The following EML1 variants were observed in gnomAD, a reference collection of about 807,000 sequenced individuals.
The protein encoded by EML1 is EMAP like 1, also known as echinoderm microtubule-associated protein-like 1.
Under a neutral mutation model 110.4 loss-of-function variants are expected in EML1, and 27 were observed. The ratio of observed to expected loss-of-function variants is 0.24; its 90% confidence interval spans 0.18 to 0.34. The LOEUF is 0.34. EML1 is among the 10% of genes least tolerant of loss of function. The pLI is 1.00. For missense variants in EML1, 741 were observed against 1,030.9 expected, an observed-to-expected ratio of 0.72 and a Z score of 3.85; for synonymous variants, 344 against 385.8, an observed-to-expected ratio of 0.89 and a Z score of 1.27.
chr14:99,797,924 C>G (rs143939379), intron 1 of EML1, among the ~76,000 whole-genome samples: 1 of 152,300 alleles, frequency 6.6e-6, no homozygotes, highest in Admixed American at 6.5e-5. Context: ...CTCCTTCCCC[C>G]ACCCCTCCAG....
intron 1 of EML1, among the ~76,000 whole-genome samples, chr14:99,797,455 G>A (rs987642611): frequency 5.3e-5 from 8 of 152,110 alleles, no homozygotes; most frequent in Admixed American, 5.2e-4. Context: ...TTTCTCTTGG[G>A]CAGATATCTA....
At chr14:99,795,785 C>A (rs2057759510) in intron 1 of EML1, among the ~76,000 whole-genome samples, 2 of 152,278 alleles carry the variant, frequency 1.3e-5, no homozygotes, top group South Asian at 4.1e-4. Context: ...AATACATGAA[C>A]TCATACATTT....
rs146994265 is a variant in EML1, at chr14:99,865,657, A to G, written c.383+11A>G. 16 of 1,613,548 alleles carry G rather than the reference A, an allele frequency of 9.9e-6. No homozygotes were observed. The Admixed American group carries it at 1.7e-4, about 17-fold the overall frequency. Reference sequence around the variant, plus strand: ...GCCAGCAACCAAAAGGTGAGCCAGAAGCAGGGCCTTAAATGAACTCTCAAA... The same window carrying G: ...GCCAGCAACCAAAAGGTGAGCCAGAGGCAGGGCCTTAAATGAACTCTCAAA... On this transcript the variant is annotated intron_variant, in intron 3 of 21. Coordinates refer to ENST00000262233, the MANE Select transcript of EML1 (RefSeq NM_004434.3).
intron 13 of EML1, 146 bp from the exon 14 acceptor site, chr14:99,914,030 TACA>T: frequency 1.2e-4 from 115 of 971,938 alleles, no homozygotes; most frequent in Middle Eastern, 3.4e-4. Flanking sequence ...TATATGTATA[TACA>T]ACATATATAT....
upstream of EML1, among the ~76,000 whole-genome samples, chr14:99,790,643 A>G (rs2057654121): frequency 6.6e-6 from 1 of 152,200 alleles, no homozygotes; most frequent in Non-Finnish European, 1.5e-5. Context: ...GAGCATGAAC[A>G]CTGGAATAGA....
Position 99,903,784 on chromosome 14 carries a change from C to CTTT in EML1, c.1008+2745_1008+2746insTTT, listed in dbSNP as rs202121563. Among the ~76,000 whole-genome samples, 780 of 141,582 alleles carry CTTT rather than the reference C, an allele frequency of 5.5e-3. 55 individuals are homozygous for CTTT. The highest frequency in any genetic ancestry group is 6.9e-3 in the Non-Finnish European group (452 of 65,486). 92.9% of individuals were successfully genotyped at this position (141,582 alleles called of 152,430 possible). On this transcript the variant is annotated intron_variant, in intron 9 of 21. Transcript: ENST00000262233. ...ACAAAATCTCATAGATAAATCTATTCATTTTTTTTTTTTTTTTGAGACAGA... is the reference window on the plus strand; with the variant it reads ...ACAAAATCTCATAGATAAATCTATTCTTTATTTTTTTTTTTTTTTTGAGACAGA...
rs554540226 is a variant in EML1 at position 99,920,846 on chromosome 14, C to T, written c.1878C>T (p.Asn626=). The part of the protein sequence containing the change: ...KDLVTVHTDG[N]EQLSVMRYSP... The stretch of plus-strand genomic sequence containing the variant: ...TGGTCACCGTTCACACAGATGGAAA[C>T]GAACAGCTCTCTGTAATGCGATACT... The change falls in exon 17 of 22, where the codon AAC becomes AAT. Residue 626 remains asparagine, a synonymous_variant. Coordinates refer to ENST00000262233, the MANE Select transcript of EML1 (RefSeq NM_004434.3). 105 of 1,613,934 alleles carry T rather than the reference C, an allele frequency of 6.5e-5. No individual in the cohort carries two copies. Among genetic ancestry groups the T allele is most frequent in the South Asian group, 4.0e-4 (36 of 91,020 alleles).
At chr14:99,815,319 T>G (rs967343235) in intron 1 of EML1, among the ~76,000 whole-genome samples, 1 of 152,024 alleles carries the variant, frequency 6.6e-6, no homozygotes, top group South Asian at 2.1e-4. Context: ...TTTTTTGTAT[T>G]TTTAATAGAG....
At chr14:99,751,204 A>G (rs2057171033) in intron 1 of EML1, among the ~76,000 whole-genome samples, 1 of 151,954 alleles carries the variant, frequency 6.6e-6, no homozygotes. Flanking sequence ...CAGCAGATGG[A>G]CAAGCAGACG....
intron 16 of EML1, 88 bp downstream of exon 16, chr14:99,917,937 C>T: frequency 7.5e-7 from 1 of 1,335,994 alleles, no homozygotes; most frequent in Admixed American, 1.9e-5. Context: ...GGCCCCCGTT[C>T]AGCTCTTGGC....
chr14:99,899,665 C>A (rs1255436803), intron 8 of EML1, among the ~76,000 whole-genome samples: 1 of 151,828 alleles, frequency 6.6e-6, no homozygotes, highest in Non-Finnish European at 1.5e-5. Context: ...TAATGGAAAT[C>A]AGACCACTAT....
rs148911762 is a variant in EML1, at chr14:99,784,414, A to G, written c.-27+10401A>G. Among the ~76,000 whole-genome samples, 481 of 152,378 alleles carry G rather than the reference A, an allele frequency of 3.2e-3. 4 individuals carry two copies. The highest frequency in any genetic ancestry group is 0.011 in the African/African-American group (462 of 41,588). On this transcript the variant is annotated intron_variant, in intron 1 of 22. Coordinates refer to the EML1 transcript ENST00000327921. This position sits in a 1 kb window ranked among gnomAD's most constrained non-coding sequence, Gnocchi z 4.5. ...GGCCTGCAAGGACATTTTAAAAAGA[A>G]TTAGCCAAGCAAATATTGCTTTTAA... is the stretch of plus-strand genomic sequence containing the variant.
intron 4 of EML1, among the ~76,000 whole-genome samples, chr14:99,884,853 T>G (rs966952409): frequency 2.0e-5 from 3 of 151,748 alleles, no homozygotes; most frequent in African/African-American, 7.3e-5. Flanking sequence ...GAACTGGGGG[T>G]GGGGGCAGGG....
At chr14:99,916,847 G>A (rs969297701) in intron 15 of EML1, among the ~76,000 whole-genome samples, 17 of 152,174 alleles carry the variant, frequency 1.1e-4, no homozygotes, top group Non-Finnish European at 2.2e-4. Context: ...AAGTCCAGTC[G>A]TCTGTACCGC....
At chr14:99,793,875 T>C (rs370384065) in intron 1 of EML1, among the ~76,000 whole-genome samples, 228 of 151,552 alleles carry the variant, frequency 1.5e-3, no homozygotes, top group African/African-American at 5.3e-3. Context: ...CCGGGCAGCC[T>C]CCGCGTTCCG....
At chr14:99,924,406 AGT>A (rs1193466231) in intron 17 of EML1, among the ~76,000 whole-genome samples, 3 of 152,252 alleles carry the variant, frequency 2.0e-5, no homozygotes, top group African/African-American at 4.8e-5. Flanking sequence ...ACAAATGCTA[AGT>A]GTACTATGTT....
chr14:99,879,043 T>A (rs1439591681), intron 4 of EML1, among the ~76,000 whole-genome samples: 1 of 152,222 alleles, frequency 6.6e-6, no homozygotes, highest in African/African-American at 2.4e-5. Context: ...GGCTGAAAAG[T>A]TGTAATTTTA....
chr14:99,837,696 A>G (rs1022403683), intron 1 of EML1, among the ~76,000 whole-genome samples: 9 of 152,256 alleles, frequency 5.9e-5, no homozygotes, highest in Non-Finnish European at 4.4e-5. Context: ...GTCCTGAAAC[A>G]GTACCACCAG....
rs2059583372 is a variant in EML1, at chr14:99,891,283, A to G, written c.547+56A>G. The G allele has an allele frequency of 3.1e-6, 5 of 1,609,498 alleles. No homozygotes were observed. The African/African-American group carries it at 5.4e-5, about 17-fold the overall frequency. ...CCCTCACTCACTCTCTCAGAACTCAAGGGACAGAAAAGAAGTAGCCAGCTT... is the reference window on the plus strand; with the variant it reads ...CCCTCACTCACTCTCTCAGAACTCAGGGGACAGAAAAGAAGTAGCCAGCTT... On this transcript the variant is annotated intron_variant, in intron 5 of 21. Coordinates refer to ENST00000262233, the MANE Select transcript of EML1 (RefSeq NM_004434.3).
Sources: gnomAD v4.1 joint callset for allele counts (sites outside exome capture counted in the v4.1 genomes callset) on GRCh38, gnomAD v4.1.1 for gene constraint, Gnocchi (gnomAD v3.1) non-coding constraint, MANE v1.5 for transcripts, NCBI Gene and HGNC (gene_info 2026-07-23, HGNC 2026-07-21) for gene names.